C5orf63: variants seen among roughly 807,000 people sequenced by gnomAD.
C5orf63 encodes chromosome 5 open reading frame 63, also known as glutaredoxin-like protein C5orf63.
Under a neutral mutation model 13.3 loss-of-function variants are expected in C5orf63, and 18 were observed. The observed-to-expected ratio is 1.36, with a 90% CI of 0.94 to 2.01. The LOEUF (loss-of-function observed/expected upper bound fraction) is 2.01. Ranked by LOEUF, C5orf63 falls within the 30% of genes most tolerant of loss-of-function variation. C5orf63 has a pLI of 0.00. For synonymous variants in C5orf63, 38 were observed against 44.7 expected (o/e 0.85, Z 0.60); for missense variants, 118 against 127.7 (o/e 0.92, Z 0.36).
At chr5:127,047,948 G>A (rs1753558796), downstream of C5orf63, 4 of 652,142 alleles carry the variant, frequency 6.1e-6, no homozygotes, top group Non-Finnish European at 1.1e-5. Context: ...AGAGGGGTGA[G>A]AATGTTCTTA....
chr5:127,058,239 T>C (rs953954686), intron 3 of C5orf63, among the ~76,000 whole-genome samples: 3 of 152,144 alleles, frequency 2.0e-5, no homozygotes, highest in Non-Finnish European at 2.9e-5. Flanking sequence ...CCCCTCTTTG[T>C]GTGCATGTGT....
downstream of C5orf63, among the ~76,000 whole-genome samples, chr5:127,048,246 G>GAC (rs71822352): frequency 0.043 from 5,775 of 134,684 alleles, 138 homozygotes; most frequent in Non-Finnish European, 0.053. Flanking sequence ...GGTCCATGAG[G>GAC]ACACACACAC....
chr5:127,057,957 G>T (rs182235222), intron 3 of C5orf63, among the ~76,000 whole-genome samples: 2 of 152,236 alleles, frequency 1.3e-5, no homozygotes, highest in Admixed American at 6.5e-5. Context: ...CTTCATTTAG[G>T]CATGAGTTAT....
At chr5:127,044,241 A>G (rs757453067), downstream of C5orf63, 6 of 152,196 alleles carry the variant, frequency 3.9e-5, no homozygotes, top group Non-Finnish European at 7.3e-5. Flanking sequence ...AGGGATGCCC[A>G]TGACTCTCAA....
At chr5:127,055,150 A>G (rs1208276507) in intron 3 of C5orf63, among the ~76,000 whole-genome samples, 1 of 152,094 alleles carries the variant, frequency 6.6e-6, no homozygotes, top group Non-Finnish European at 1.5e-5. Flanking sequence ...GCTTGGAAGA[A>G]GAATCAATAT....
At chr5:127,062,977 A>G (rs1405592321) in intron 2 of C5orf63, among the ~76,000 whole-genome samples, 3 of 152,114 alleles carry the variant, frequency 2.0e-5, no homozygotes, top group Non-Finnish European at 4.4e-5. Context: ...ATACCAAAGA[A>G]GAACAATTGG....
chr5:127,057,954 T>C (rs973970705), intron 3 of C5orf63, among the ~76,000 whole-genome samples: 1 of 152,234 alleles, frequency 6.6e-6, no homozygotes, highest in Non-Finnish European at 1.5e-5. Context: ...AAGCTTCATT[T>C]AGGCATGAGT....
intron 3 of C5orf63, among the ~76,000 whole-genome samples, chr5:127,054,783 T>C (rs184352162): frequency 2.6e-5 from 4 of 152,350 alleles, no homozygotes; most frequent in Admixed American, 2.6e-4. Flanking sequence ...GCCATTGCTT[T>C]TGGTGTTTTA....
At position 127,051,643 on chromosome 5, in the gene C5orf63, T is replaced by C; in HGVS notation, c.*128A>G. 15 of 1,282,510 alleles carry C rather than the reference T, an allele frequency of 1.2e-5. No homozygotes were observed. In the South Asian group the frequency reaches 2.4e-4, roughly 21 times the overall value. 79.4% of individuals were successfully genotyped at this position (1,282,510 alleles called of 1,614,324 possible). ...ACCAAAAGGGGAATGTCAACATTTATTTGGCACCACTGAATTCAGAACATC... is the reference window on the plus strand; with the variant it reads ...ACCAAAAGGGGAATGTCAACATTTACTTGGCACCACTGAATTCAGAACATC... On this transcript the variant is annotated 3_prime_UTR_variant, in exon 5 of 5. Coordinates refer to ENST00000296662, the MANE Select transcript of C5orf63 (RefSeq NM_001164478.2).
chr5:127,054,750 G>A (rs572845489), intron 3 of C5orf63, among the ~76,000 whole-genome samples: 3 of 152,202 alleles, frequency 2.0e-5, no homozygotes, highest in East Asian at 1.9e-4. Flanking sequence ...ATTAGATCCA[G>A]TTAGCCTATT....
chr5:127,048,505 T>C (rs1296025842), downstream of C5orf63, among the ~76,000 whole-genome samples: 1 of 152,038 alleles, frequency 6.6e-6, no homozygotes, highest in Non-Finnish European at 1.5e-5. Context: ...CTTTCTACTT[T>C]GGTAGAAAAT....
exon 5 of C5orf63, chr5:127,045,386 GGC>G (rs1247658795): frequency 6.6e-6 from 1 of 152,032 alleles, no homozygotes; most frequent in Non-Finnish European, 1.5e-5. Context: ...CACATTCCTT[GGC>G]TCATGGCTGC....
downstream of C5orf63, chr5:127,043,803 A>G (rs1414084078): frequency 9.2e-5 from 14 of 152,386 alleles, no homozygotes; most frequent in East Asian, 2.5e-3. Flanking sequence ...TACCTGGTCC[A>G]GGATTAAGTC....
chr5:127,050,477 G>C (rs1753636446), downstream of C5orf63, among the ~76,000 whole-genome samples: 3 of 152,066 alleles, frequency 2.0e-5, no homozygotes, highest in Admixed American at 2.0e-4. Flanking sequence ...CAGCTTAAAA[G>C]GCTTTTTAAG....
chr5:127,061,664 T>TAG (rs1754110920), intron 2 of C5orf63, among the ~76,000 whole-genome samples: 2 of 152,352 alleles, frequency 1.3e-5, no homozygotes, highest in African/African-American at 4.8e-5. Flanking sequence ...TAAATGTAGT[T>TAG]AGAGACATAC....
At chr5:127,043,920 C>T (rs1685424434), downstream of C5orf63, 1 of 152,202 alleles carries the variant, frequency 6.6e-6, no homozygotes, top group South Asian at 2.1e-4. Flanking sequence ...TTATTTCCCT[C>T]TCTGTTGCCT....
At chr5:127,063,883 CAT>C (rs1020405666) in intron 2 of C5orf63, among the ~76,000 whole-genome samples, 1 of 152,126 alleles carries the variant, frequency 6.6e-6, no homozygotes, top group Non-Finnish European at 1.5e-5. Flanking sequence ...TGACTGGAAA[CAT>C]GTACACACAA....
At chr5:127,045,083 T>C (rs1375341286), downstream of C5orf63, 1 of 152,226 alleles carries the variant, frequency 6.6e-6, no homozygotes, top group Non-Finnish European at 1.5e-5. Flanking sequence ...TTTCTGTATC[T>C]TTCAGTTATC....
intron 3 of C5orf63, among the ~76,000 whole-genome samples, chr5:127,053,232 T>G (rs778798725): frequency 4.1e-4 from 62 of 152,322 alleles, no homozygotes; most frequent in Non-Finnish European, 5.3e-4. Context: ...ATTACAAGTG[T>G]CAACAATAGG....
Sources: gnomAD v4.1 joint callset for allele counts (sites outside exome capture counted in the v4.1 genomes callset) on GRCh38, gnomAD v4.1.1 for gene constraint, MANE v1.5 for transcripts, NCBI Gene and HGNC (gene_info 2026-07-23, HGNC 2026-07-21) for gene names.